CDKAL1: variants seen among roughly 807,000 people sequenced by gnomAD.
CDKAL1 encodes CDKAL1 threonylcarbamoyladenosine tRNA methylthiotransferase, also known as threonylcarbamoyladenosine tRNA methylthiotransferase.
A neutral mutation model predicts 68.2 loss-of-function variants in CDKAL1; 32 were observed. The observed-to-expected ratio is 0.47, with a 90% CI of 0.35 to 0.63. The LOEUF (loss-of-function observed/expected upper bound fraction) is 0.63. Ranked by LOEUF, CDKAL1 falls within the 30% of genes least tolerant of loss-of-function variation. The probability of loss-of-function intolerance (pLI) is 0.00; values close to 1 mark genes in which losing one functional copy is unlikely to be tolerated. For synonymous variants in CDKAL1, 234 were observed against 244.3 expected, an observed-to-expected ratio of 0.96 and a Z score of 0.39; for missense variants, 606 against 696.7, an observed-to-expected ratio of 0.87 and a Z score of 1.47.
chr6:21,228,596 C>T (rs1373591820), intron 15 of CDKAL1, among the ~76,000 whole-genome samples: 2 of 152,198 alleles, frequency 1.3e-5, no homozygotes, highest in Non-Finnish European at 2.9e-5. Flanking sequence ...TTGGAATACA[C>T]ACTCTCATAT....
chr6:20,828,838 C>A (rs1031046601), intron 8 of CDKAL1, among the ~76,000 whole-genome samples: 15 of 152,192 alleles, frequency 9.9e-5, no homozygotes, highest in Admixed American at 6.6e-5. Flanking sequence ...ACTCTGTACT[C>A]ATTAAACAGT....
At chr6:21,055,512 A>G (rs576792584) in intron 11 of CDKAL1, among the ~76,000 whole-genome samples, 2 of 151,926 alleles carry the variant, frequency 1.3e-5, no homozygotes, top group East Asian at 1.9e-4. Flanking sequence ...TGCATTAGCT[A>G]TTTTCCCTGG....
chr6:20,546,493 A>G lies in CDKAL1; in HGVS notation c.143A>G (p.Gln48Arg), dbSNP rs1210597329. ...VRRRNTQKYL[Q>R]EEENSPPSDS... ...AGGCGAAATACCCAAAAATATTTGC[A>G]AGAGGAAGAAAACAGTCCACCAAGT... is the stretch of plus-strand genomic sequence containing the variant. Residue 48 changes from glutamine to arginine, a missense_variant, in exon 3 of 16, where the codon CAA becomes CGA. Transcript: ENST00000274695. 10 of 1,613,964 alleles carry G rather than the reference A, an allele frequency of 6.2e-6. No individual in the cohort carries two copies. The highest frequency in any genetic ancestry group is 1.1e-5 in the South Asian group (1 of 91,082).
chr6:21,089,118 T>C (rs1582172954), intron 12 of CDKAL1, among the ~76,000 whole-genome samples: 1 of 152,202 alleles, frequency 6.6e-6, no homozygotes. Context: ...AAAGGATTAA[T>C]TGACATTCTT....
At chr6:21,012,464 A>G (rs1325981886) in intron 11 of CDKAL1, among the ~76,000 whole-genome samples, 2 of 152,180 alleles carry the variant, frequency 1.3e-5, no homozygotes, top group Non-Finnish European at 2.9e-5. Context: ...TGTCCTTTTC[A>G]GGAAGTCCAG....
At chr6:21,072,676 C>CTTTTTTTTTT (rs66763305) in intron 12 of CDKAL1, among the ~76,000 whole-genome samples, 14 of 131,144 alleles carry the variant, frequency 1.1e-4, no homozygotes, top group African/African-American at 2.8e-4. Context: ...AATAGAGTAT[C>CTTTTTTTTTT]TTTTTTTTTT....
At chr6:20,831,237 G>A (rs978816481) in intron 8 of CDKAL1, among the ~76,000 whole-genome samples, 5 of 152,044 alleles carry the variant, frequency 3.3e-5, no homozygotes, top group Non-Finnish European at 7.4e-5. Flanking sequence ...ATGAACTCTT[G>A]GAAAACATTT....
chr6:21,125,701 A>G (rs1774971771), intron 13 of CDKAL1, among the ~76,000 whole-genome samples: 1 of 152,160 alleles, frequency 6.6e-6, no homozygotes, highest in Admixed American at 6.5e-5. Flanking sequence ...CAAACAAACA[A>G]AAAACCTCTT....
At chr6:20,799,039 A>ATTTT (rs1776241521) in intron 8 of CDKAL1, among the ~76,000 whole-genome samples, 5 of 26,272 alleles carry the variant, frequency 1.9e-4, no homozygotes, top group Non-Finnish European at 3.5e-4. Context: ...AAAAGAACTG[A>ATTTT]GTTTTTTTTT....
intron 11 of CDKAL1, among the ~76,000 whole-genome samples, chr6:21,024,105 T>C (rs1768827700): frequency 6.6e-6 from 1 of 152,158 alleles, no homozygotes; most frequent in African/African-American, 2.4e-5. Flanking sequence ...GAGAAATACC[T>C]ATTTTCTTGC....
At chr6:20,910,161 A>G (rs762074215) in intron 9 of CDKAL1, among the ~76,000 whole-genome samples, 57 of 152,234 alleles carry the variant, frequency 3.7e-4, no homozygotes, top group Non-Finnish European at 5.9e-4. Flanking sequence ...TTTGAAAAGA[A>G]TGACTTGAGC....
At chr6:20,656,072 C>A (rs187565095) in intron 5 of CDKAL1, among the ~76,000 whole-genome samples, 1 of 151,600 alleles carries the variant, frequency 6.6e-6, no homozygotes, top group East Asian at 1.9e-4. Flanking sequence ...GAAGCAGCAT[C>A]TGTTTTACAG....
chr6:20,873,697 A>G (rs2150547251), intron 9 of CDKAL1, among the ~76,000 whole-genome samples: 1 of 152,260 alleles, frequency 6.6e-6, no homozygotes, highest in East Asian at 1.9e-4. Flanking sequence ...CACATCCACC[A>G]AGGCCCCCAC....
rs112950701 is a variant in CDKAL1 at position 20,575,122 on chromosome 6, G to A, written c.286+26417G>A. ...GAAAATTAAAAAAAAATAAAGTTAG[G>A]ACATTTAGGTAACTCAAAGACAGAA... is the stretch of plus-strand genomic sequence containing the variant. On this transcript the variant is annotated intron_variant, in intron 4 of 15. Transcript: ENST00000274695. Among the ~76,000 whole-genome samples, 1,497 of 152,048 alleles carry A rather than the reference G, an allele frequency of 9.8e-3. 11 individuals are homozygous for A. Among genetic ancestry groups the A allele is most frequent in the Non-Finnish European group, 0.016 (1,060 of 67,962 alleles).
chr6:21,119,638 T>C (rs1482854946), intron 13 of CDKAL1, among the ~76,000 whole-genome samples: 2 of 152,224 alleles, frequency 1.3e-5, no homozygotes, highest in African/African-American at 4.8e-5. Context: ...TCTCCTTCCA[T>C]GTTTGTTGAT....
chr6:20,695,749 G>T (rs1771079254), intron 5 of CDKAL1, among the ~76,000 whole-genome samples: 1 of 151,778 alleles, frequency 6.6e-6, no homozygotes, highest in Non-Finnish European at 1.5e-5. Context: ...TTTGTTAATT[G>T]TAGTAAAATA....
intron 11 of CDKAL1, among the ~76,000 whole-genome samples, chr6:21,021,498 GA>G (rs995649090): frequency 6.6e-6 from 1 of 151,134 alleles, no homozygotes; most frequent in Non-Finnish European, 1.5e-5. Context: ...AAATATGAAG[GA>G]AAAAAAACAT....
intron 5 of CDKAL1, among the ~76,000 whole-genome samples, chr6:20,727,638 G>A (rs534555346): frequency 2.0e-5 from 3 of 152,204 alleles, no homozygotes; most frequent in Non-Finnish European, 4.4e-5. Context: ...TGGAGAGGGA[G>A]ACACCTTTAC....
chr6:20,650,187 TA>T lies in CDKAL1; in HGVS notation c.371+814del, dbSNP rs1338795581. Among the ~76,000 whole-genome samples the T allele has an allele frequency of 2.0e-5, 3 of 152,314 alleles. No homozygotes were observed. The East Asian group carries it at 5.8e-4, about 29-fold the overall frequency. On this transcript the variant is annotated intron_variant, in intron 5 of 15. Coordinates refer to ENST00000274695, the MANE Select transcript of CDKAL1 (RefSeq NM_017774.3). ...TTAATTTACATTCCCACCAACAGTG[TA>T]AAAGTGTTCCTATTTATCCACAGCC...
Sources: gnomAD v4.1 joint callset for allele counts (sites outside exome capture counted in the v4.1 genomes callset) on GRCh38, gnomAD v4.1.1 for gene constraint, MANE v1.5 for transcripts, NCBI Gene and HGNC (gene_info 2026-07-23, HGNC 2026-07-21) for gene names.